Variants in ESR2 observed in about 807,000 individuals in gnomAD.
The protein encoded by ESR2 is estrogen receptor beta.
A neutral mutation model predicts 49.6 loss-of-function variants in ESR2; 36 were observed. The ratio of observed to expected loss-of-function variants is 0.73; its 90% CI spans 0.56 to 0.96. The LOEUF (loss-of-function observed/expected upper bound fraction) is 0.96. ESR2 is among the 40% of genes least tolerant of loss of function. ESR2 has a pLI of 0.00. For synonymous variants in ESR2, 320 were observed against 266.1 expected (o/e 1.20, Z -1.97); for missense variants, 714 against 693.0 (o/e 1.03, Z -0.34).
rs1352487671 is a variant in ESR2 at position 64,230,505 on chromosome 14, C to T, written c.*2632G>A. Among the ~76,000 whole-genome samples the T allele has an allele frequency of 6.6e-6, 1 of 152,124 alleles. No homozygotes were observed. The highest frequency in any genetic ancestry group is 1.5e-5 in the Non-Finnish European group (1 of 68,030). On this transcript the variant is annotated 3_prime_UTR_variant, in exon 9 of 9. Coordinates refer to ENST00000341099, the MANE Select transcript of ESR2 (RefSeq NM_001437.3). ...GGGGAGTATTCCAGACCAAGACTCG[C>T]ACTGTACAGCTCCTGCCGATTTTGC...
At chr14:64,253,965 C>T (rs1459577550) in intron 6 of ESR2, among the ~76,000 whole-genome samples, 1 of 151,978 alleles carries the variant, frequency 6.6e-6, no homozygotes, top group Non-Finnish European at 1.5e-5. Context: ...ATTAGACAGT[C>T]AGGTTCTTTA....
upstream of ESR2, among the ~76,000 whole-genome samples, chr14:64,296,925 A>T (rs970260679): frequency 6.6e-6 from 1 of 152,202 alleles, no homozygotes; most frequent in African/African-American, 2.4e-5. Context: ...TTTAATGCAG[A>T]GTGGAGAGGA....
chr14:64,233,508 C>T (rs1421583449), intron 8 of ESR2, 185 bp from the exon 9 acceptor site: 11 of 585,806 alleles, frequency 1.9e-5, no homozygotes, highest in African/African-American at 5.6e-5. Flanking sequence ...AGGGCAAGGA[C>T]GATGTCTTGT....
intron 1 of ESR2, among the ~76,000 whole-genome samples, chr14:64,315,274 G>C (rs929568359): frequency 4.1e-5 from 6 of 147,624 alleles, no homozygotes; most frequent in Non-Finnish European, 7.4e-5. Flanking sequence ...AAAGGAGAGA[G>C]AGAGAAGACG....
chr14:64,253,840 A>G (rs1245877025), intron 6 of ESR2, among the ~76,000 whole-genome samples: 1 of 152,156 alleles, frequency 6.6e-6, no homozygotes, highest in African/African-American at 2.4e-5. Context: ...AAATGTCCAC[A>G]ATGGGATCCA....
At chr14:64,265,191 A>T (rs1389245695) in intron 4 of ESR2, among the ~76,000 whole-genome samples, 1 of 152,146 alleles carries the variant, frequency 6.6e-6, no homozygotes, top group Non-Finnish European at 1.5e-5. Context: ...GCTGCCTCTG[A>T]GTGAGCTTAA....
Position 64,231,909 on chromosome 14 carries a change from A to G in ESR2, c.*1228T>C, listed in dbSNP as rs898497200. ...CTATTTATGTTCCACTTGGAATAAGAACTAATATTTTTACTGTTTCTTTTT... is the reference window on the plus strand; with the variant it reads ...CTATTTATGTTCCACTTGGAATAAGGACTAATATTTTTACTGTTTCTTTTT... On this transcript the variant is annotated 3_prime_UTR_variant, in exon 9 of 9. Coordinates refer to ENST00000341099, the MANE Select transcript of ESR2 (RefSeq NM_001437.3). 1 of 152,188 alleles carries G rather than the reference A, an allele frequency of 6.6e-6. No individual in the cohort carries two copies. Among genetic ancestry groups the G allele is most frequent in the East Asian group, 1.9e-4 (1 of 5,196 alleles). 9.4% of individuals were successfully genotyped at this position (152,188 alleles called of 1,614,324 possible).
chr14:64,266,061 A>G (rs2076322288), intron 4 of ESR2, among the ~76,000 whole-genome samples: 1 of 152,202 alleles, frequency 6.6e-6, no homozygotes, highest in African/African-American at 2.4e-5. Flanking sequence ...TTTCTTCCAT[A>G]ATCTCCAAAG....
Position 64,233,216 on chromosome 14 carries a change from G to A in ESR2, c.1514C>T (p.Ser505Phe), listed in dbSNP as rs1037171242. Residue 505 changes from serine to phenylalanine, a missense_variant, in exon 9 of 9, where the codon TCC (serine) becomes TTC (phenylalanine). Ser to Phe is a radical substitution (Grantham distance 155, BLOSUM62 -2). Transcript: ENST00000341099. ...GCTGCACTCGGACCCCGTGATGGAG[G>A]ACTTGCACCCGCGAAGCACGTGGGC... The part of the protein sequence containing the change: ...LNAHVLRGCK[S>F]SITGSECSPA... 6.2e-7 allele frequency: 1 copy of A among 1,614,154 alleles called. No homozygotes were observed. The highest frequency in any genetic ancestry group is 8.5e-7 in the Non-Finnish European group (1 of 1,180,026).
At chr14:64,254,861 C>A (rs775557304) in intron 6 of ESR2, among the ~76,000 whole-genome samples, 4 of 150,710 alleles carry the variant, frequency 2.7e-5, no homozygotes, top group Non-Finnish European at 5.9e-5. Flanking sequence ...AACATGAATG[C>A]ATTTACAATT....
intron 1 of ESR2, among the ~76,000 whole-genome samples, chr14:64,302,732 C>T (rs532454445): frequency 1.5e-3 from 222 of 152,288 alleles, no homozygotes; most frequent in African/African-American, 2.8e-3. Context: ...AACTAAGACC[C>T]GACAAGCTTC....
Position 64,230,513 on chromosome 14 carries a change from A to G in ESR2, c.*2624T>C, listed in dbSNP as rs925960017. On this transcript the variant is annotated 3_prime_UTR_variant, in exon 9 of 9. Coordinates refer to ENST00000341099, the MANE Select transcript of ESR2 (RefSeq NM_001437.3). The stretch of plus-strand genomic sequence containing the variant: ...TTCCAGACCAAGACTCGCACTGTAC[A>G]GCTCCTGCCGATTTTGCACTATTTT... 6.6e-6 allele frequency among the ~76,000 whole-genome samples: 1 copy of G among 152,084 alleles called. No homozygotes were observed. The highest frequency in any genetic ancestry group is 1.5e-5 in the Non-Finnish European group (1 of 68,032).
intron 1 of ESR2, among the ~76,000 whole-genome samples, chr14:64,307,246 C>G (rs1482144608): frequency 6.6e-6 from 1 of 151,938 alleles, no homozygotes; most frequent in Non-Finnish European, 1.5e-5. Context: ...GAGTCTTGCT[C>G]TGTCACCCAG....
At chr14:64,316,724 A>G (rs1259485645) in intron 1 of ESR2, among the ~76,000 whole-genome samples, 1 of 152,042 alleles carries the variant, frequency 6.6e-6, no homozygotes, top group Non-Finnish European at 1.5e-5. Flanking sequence ...CAAGAGAATC[A>G]CTTGAACCCA....
chr14:64,261,931 T>TC (rs1487117442), intron 4 of ESR2, among the ~76,000 whole-genome samples: 2 of 152,036 alleles, frequency 1.3e-5, no homozygotes, highest in East Asian at 3.9e-4. Flanking sequence ...TTTAAATTTT[T>TC]TTGTAGAACT....
At chr14:64,272,039 C>T (rs949842373) in intron 3 of ESR2, among the ~76,000 whole-genome samples, 3 of 152,148 alleles carry the variant, frequency 2.0e-5, no homozygotes, top group African/African-American at 7.2e-5. Flanking sequence ...CCAGGGTTCC[C>T]TTTTCTCTAC....
At chr14:64,241,279 T>C (rs1259778137) in intron 7 of ESR2, among the ~76,000 whole-genome samples, 1 of 152,040 alleles carries the variant, frequency 6.6e-6, no homozygotes, top group Non-Finnish European at 1.5e-5. Context: ...CACCCCATCA[T>C]AAATTGAGGA....
At chr14:64,257,419 T>G in intron 5 of ESR2, 55 bp from the exon 6 acceptor site, 2 of 1,603,620 alleles carry the variant, frequency 1.2e-6, no homozygotes, top group Non-Finnish European at 1.7e-6. Flanking sequence ...CAGCTCCCTG[T>G]GTGTGTAGAG....
At chr14:64,235,622 C>T (rs929487640) in intron 7 of ESR2, among the ~76,000 whole-genome samples, 20 of 152,218 alleles carry the variant, frequency 1.3e-4, no homozygotes, top group Non-Finnish European at 2.8e-4. Context: ...CCACGTGCCG[C>T]AGCCAGCCAT....
Sources: gnomAD v4.1 joint callset for allele counts (sites outside exome capture counted in the v4.1 genomes callset) on GRCh38, gnomAD v4.1.1 for gene constraint, MANE v1.5 for transcripts, NCBI Gene and HGNC (gene_info 2026-07-23, HGNC 2026-07-21) for gene names.